The following TMTC1 variants were observed in gnomAD, a reference collection of about 807,000 sequenced individuals.
TMTC1 encodes protein O-mannosyl-transferase TMTC1.
In TMTC1, 73 loss-of-function variants were observed where a neutral mutation model predicts 104.8. That is an observed-to-expected ratio of 0.70 (90% CI 0.58 to 0.85). TMTC1 has a LOEUF of 0.85. Among genes scored for constraint, TMTC1 ranks in the 40% least tolerant of loss-of-function variants. The pLI, the probability that TMTC1 is intolerant of heterozygous loss-of-function variation, is 0.00. For synonymous variants in TMTC1, 434 were observed against 428.7 expected (o/e 1.01, Z -0.15); for missense variants, 1,035 against 1,096.1 (o/e 0.94, Z 0.79).
chr12:29,767,994 C>T lies in TMTC1; in HGVS notation c.384G>A (p.Val128=). 1 of 1,613,704 alleles carries T rather than the reference C, an allele frequency of 6.2e-7. No individual in the cohort carries two copies. Among genetic ancestry groups the T allele is most frequent in the African/African-American group, 1.3e-5 (1 of 74,964 alleles). The change falls in exon 2 of 18, where the codon GTG becomes GTA. Residue 128 remains valine, a synonymous_variant. Transcript: ENST00000539277. ...CAGTTTTATCACAGGTGTACATCAG[C>T]ACAAGAGTCACTAAGCAGTGTAAAA... ...NIILHCLVTL[V]LMYTCDKTVF...
intron 6 of TMTC1, among the ~76,000 whole-genome samples, chr12:29,626,638 T>C (rs951410827): frequency 1.3e-5 from 2 of 152,108 alleles, no homozygotes; most frequent in Non-Finnish European, 2.9e-5. Flanking sequence ...ACCCAAAGAT[T>C]AACTCAAAAA....
At chr12:29,753,102 T>C (rs949888025) in intron 4 of TMTC1, among the ~76,000 whole-genome samples, 4 of 152,116 alleles carry the variant, frequency 2.6e-5, no homozygotes, top group African/African-American at 9.7e-5. Context: ...TGCAACATTT[T>C]GTTTCTATTA....
intron 5 of TMTC1, among the ~76,000 whole-genome samples, chr12:29,675,141 G>C (rs1428435019): frequency 6.7e-6 from 1 of 148,906 alleles, no homozygotes; most frequent in East Asian, 2.0e-4. Flanking sequence ...ACTTTGTACA[G>C]TAGTCATTTA....
Position 29,660,000 on chromosome 12 carries a change from G to A in TMTC1, c.939-26664C>T, listed in dbSNP as rs1444077552. On this transcript the variant is annotated intron_variant, in intron 5 of 17. Transcript: ENST00000539277. ...GACAAGCACCTTCAGAAAATAAGAAGATTCAGTGAGATTGCCACCAATAAT... is the reference window on the plus strand; with the variant it reads ...GACAAGCACCTTCAGAAAATAAGAAAATTCAGTGAGATTGCCACCAATAAT... The A allele has an allele frequency of 8.6e-6, 13 of 1,513,536 alleles. 1 individual carries two copies. The highest frequency in any genetic ancestry group is 2.8e-5 in the African/African-American group (2 of 72,356). The allele number at this position is 1,513,536 out of a possible 1,614,324, so 93.8% of individuals were successfully genotyped here.
At chr12:29,695,085 A>G (rs1327724913) in intron 5 of TMTC1, among the ~76,000 whole-genome samples, 1 of 152,156 alleles carries the variant, frequency 6.6e-6, no homozygotes, top group Non-Finnish European at 1.5e-5. Context: ...TGGTGGCTCC[A>G]GGCATACTTC....
intron 5 of TMTC1, among the ~76,000 whole-genome samples, chr12:29,662,754 A>G (rs1940094762): frequency 6.6e-6 from 1 of 151,696 alleles, no homozygotes; most frequent in South Asian, 2.1e-4. Flanking sequence ...AGGAGGTGAG[A>G]GCCTCACGCT....
chr12:29,562,424 A>C (rs180854968), intron 9 of TMTC1, among the ~76,000 whole-genome samples: 1 of 152,310 alleles, frequency 6.6e-6, no homozygotes, highest in African/African-American at 2.4e-5. Context: ...GCCCTTAGGA[A>C]ATGAATCATT....
chr12:29,708,014 C>G (rs1042043146), intron 5 of TMTC1, among the ~76,000 whole-genome samples: 2 of 152,312 alleles, frequency 1.3e-5, no homozygotes, highest in Admixed American at 6.5e-5. Context: ...ACGAGGTACT[C>G]TGAGGAGACA....
At chr12:29,692,966 G>A (rs1941308126) in intron 5 of TMTC1, among the ~76,000 whole-genome samples, 1 of 145,058 alleles carries the variant, frequency 6.9e-6, no homozygotes, top group Admixed American at 7.1e-5. Context: ...GAAAGCAGAT[G>A]AGTGATTGCC....
chr12:29,530,827 T>TAGAAGTAA (rs1046910803), intron 11 of TMTC1, among the ~76,000 whole-genome samples: 6 of 152,226 alleles, frequency 3.9e-5, no homozygotes, highest in African/African-American at 7.2e-5. Flanking sequence ...CAATACATAT[T>TAGAAGTAA]AGAAGTAAGC....
At chr12:29,527,724 C>T (rs985511873) in intron 11 of TMTC1, among the ~76,000 whole-genome samples, 1 of 152,230 alleles carries the variant, frequency 6.6e-6, no homozygotes, top group African/African-American at 2.4e-5. Flanking sequence ...AGAGCAATTA[C>T]TGCTTTACTG....
intron 5 of TMTC1, among the ~76,000 whole-genome samples, chr12:29,673,881 T>C (rs1037294607): frequency 2.0e-5 from 3 of 148,514 alleles, no homozygotes; most frequent in Non-Finnish European, 3.0e-5. Flanking sequence ...TGCCTCAGCC[T>C]CCCAAGTAGC....
intron 5 of TMTC1, among the ~76,000 whole-genome samples, chr12:29,650,613 T>C (rs1366225622): frequency 6.6e-6 from 1 of 152,210 alleles, no homozygotes; most frequent in Non-Finnish European, 1.5e-5. Flanking sequence ...TATTCAGGAA[T>C]TCACATGACG....
intron 5 of TMTC1, among the ~76,000 whole-genome samples, chr12:29,728,312 A>G (rs1458528427): frequency 2.6e-5 from 4 of 152,068 alleles, no homozygotes; most frequent in Admixed American, 2.6e-4. Context: ...TGTGATCTGA[A>G]TTCAGAACGT....
At chr12:29,645,411 T>C (rs904581785) in intron 5 of TMTC1, among the ~76,000 whole-genome samples, 5 of 152,044 alleles carry the variant, frequency 3.3e-5, no homozygotes, top group African/African-American at 9.6e-5. Context: ...ACAATGAACA[T>C]AGTTAAAATG....
At position 29,505,558 on chromosome 12, in the gene TMTC1, T is replaced by C. The variant is rs772284204; in HGVS notation, c.*1288A>G. 6.6e-6 allele frequency: 1 copy of C among 152,170 alleles called. No individual in the cohort carries two copies. The highest frequency in any genetic ancestry group is 2.4e-5 in the African/African-American group (1 of 41,440). The allele number at this position is 152,170 out of a possible 1,614,324, so 9.4% of individuals were successfully genotyped here. On this transcript the variant is annotated 3_prime_UTR_variant, in exon 18 of 18. Coordinates refer to ENST00000539277, the MANE Select transcript of TMTC1 (RefSeq NM_001193451.2). ...ATAAGATCAGTTTTGAAAGCTGATA[T>C]TAAAACCACTTTGTACAGAGAAAAA...
At chr12:29,517,046 CTAA>C (rs1416730317) in intron 14 of TMTC1, among the ~76,000 whole-genome samples, 10 of 152,078 alleles carry the variant, frequency 6.6e-5, no homozygotes, top group Non-Finnish European at 1.5e-4. Flanking sequence ...ATAACACACA[CTAA>C]TAATAGGTAT....
chr12:29,558,795 G>C (rs917490307), intron 9 of TMTC1, among the ~76,000 whole-genome samples: 6 of 152,198 alleles, frequency 3.9e-5, no homozygotes, highest in African/African-American at 1.4e-4. Context: ...GTTCCTGGGA[G>C]ACAAGTGCTT....
At chr12:29,623,326 T>C (rs1442895719) in intron 6 of TMTC1, among the ~76,000 whole-genome samples, 1 of 152,204 alleles carries the variant, frequency 6.6e-6, no homozygotes, top group Admixed American at 6.5e-5. Flanking sequence ...ATAAAGTTAA[T>C]TACTGAAATG....
Sources: gnomAD v4.1 joint callset for allele counts (sites outside exome capture counted in the v4.1 genomes callset) on GRCh38, gnomAD v4.1.1 for gene constraint, MANE v1.5 for transcripts, NCBI Gene and HGNC (gene_info 2026-07-23, HGNC 2026-07-21) for gene names.